Variants in NXPE2 observed in about 807,000 individuals in gnomAD.
The protein encoded by NXPE2 is neurexophilin and PC-esterase domain family member 2.
NXPE2 carries 34 observed loss-of-function variants against 34.4 expected under a neutral mutation model. That is an observed-to-expected ratio of 0.99 (90% CI 0.75 to 1.31). The LOEUF (loss-of-function observed/expected upper bound fraction) is 1.31, where lower values mean the gene tolerates loss of function less well. Among genes scored for constraint, NXPE2 ranks in the 40% most tolerant of loss-of-function variants. The pLI is 0.00. For missense variants in NXPE2, 649 were observed against 672.5 expected, an observed-to-expected ratio of 0.97 and a Z score of 0.39; for synonymous variants, 235 against 231.3, an observed-to-expected ratio of 1.02 and a Z score of -0.15.
chr11:114,529,963 G>T, the NXPE2 span: 14 of 521,474 alleles, frequency 2.7e-5, no homozygotes, highest in African/African-American at 7.6e-5. Context: ...TAGAAGAACG[G>T]TTATAGCAAA....
At chr11:114,674,183 A>G (rs1950832627), upstream of NXPE2, among the ~76,000 whole-genome samples, 1 of 151,862 alleles carries the variant, frequency 6.6e-6, no homozygotes, top group Admixed American at 6.6e-5. Context: ...TATTTAAAAA[A>G]TTCATGCATA....
downstream of NXPE2, among the ~76,000 whole-genome samples, chr11:114,711,064 A>G (rs1025479350): frequency 6.6e-6 from 1 of 152,164 alleles, no homozygotes; most frequent in African/African-American, 2.4e-5. Flanking sequence ...AAAAACAATC[A>G]ATAAACTATG....
the NXPE2 span, among the ~76,000 whole-genome samples, chr11:114,800,876 G>A: frequency 6.6e-6 from 1 of 152,174 alleles, no homozygotes; most frequent in African/African-American, 2.4e-5. Flanking sequence ...CAATAAACAA[G>A]TATCATTGTT....
At chr11:114,613,631 G>A in the NXPE2 span, among the ~76,000 whole-genome samples, 1 of 151,730 alleles carries the variant, frequency 6.6e-6, no homozygotes, top group Non-Finnish European at 1.5e-5. Flanking sequence ...GTTACACACT[G>A]GATAACAAGT....
At chr11:114,743,779 T>C in the NXPE2 span, among the ~76,000 whole-genome samples, 1 of 150,624 alleles carries the variant, frequency 6.6e-6, no homozygotes, top group East Asian at 1.9e-4. Flanking sequence ...TTAGTGAGCA[T>C]ATATATATTA....
At chr11:114,787,385 CG>C in the NXPE2 span, among the ~76,000 whole-genome samples, 3 of 152,046 alleles carry the variant, frequency 2.0e-5, no homozygotes, top group Non-Finnish European at 4.4e-5. Context: ...GGGGTGGGAA[CG>C]GGGGAGCATC....
At chr11:114,496,358 T>C in the NXPE2 span, among the ~76,000 whole-genome samples, 1 of 152,174 alleles carries the variant, frequency 6.6e-6, no homozygotes, top group African/African-American at 2.4e-5. Context: ...AGATTTTCCC[T>C]CTATGCCATG....
the NXPE2 span, among the ~76,000 whole-genome samples, chr11:114,557,083 G>T: frequency 6.6e-6 from 1 of 151,742 alleles, no homozygotes; most frequent in African/African-American, 2.4e-5. Flanking sequence ...TAGTAGAGAC[G>T]GGGTTTCACC....
the NXPE2 span, among the ~76,000 whole-genome samples, chr11:114,662,711 C>T: frequency 6.6e-6 from 1 of 152,122 alleles, no homozygotes; most frequent in Non-Finnish European, 1.5e-5. Flanking sequence ...CCAGCTCAGT[C>T]ACAGCAGGAT....
the NXPE2 span, among the ~76,000 whole-genome samples, chr11:114,772,460 G>A: frequency 1.1e-4 from 16 of 152,202 alleles, no homozygotes; most frequent in Admixed American, 2.6e-4. Flanking sequence ...GATAGGCAAC[G>A]TTTTCAATAA....
At chr11:114,691,048 C>A (rs1951139537) in intron 2 of NXPE2, among the ~76,000 whole-genome samples, 1 of 151,992 alleles carries the variant, frequency 6.6e-6, no homozygotes, top group African/African-American at 2.4e-5. Context: ...CCTTGCCATT[C>A]ACATTCTGAA....
the NXPE2 span, among the ~76,000 whole-genome samples, chr11:114,788,776 T>C: frequency 6.6e-6 from 1 of 152,232 alleles, no homozygotes; most frequent in Admixed American, 6.5e-5. Context: ...TCACCCCTTC[T>C]TGTGTTTCCA....
At chr11:114,781,262 G>GGTAA in the NXPE2 span, among the ~76,000 whole-genome samples, 1 of 152,124 alleles carries the variant, frequency 6.6e-6, no homozygotes, top group African/African-American at 2.4e-5. Flanking sequence ...CTTCCCTGTG[G>GGTAA]GTAAGTTCAG....
At chr11:114,510,965 A>T in the NXPE2 span, among the ~76,000 whole-genome samples, 5 of 152,212 alleles carry the variant, frequency 3.3e-5, no homozygotes, top group Non-Finnish European at 5.9e-5. Context: ...TAAAAACTGT[A>T]CATAATTATA....
chr11:114,514,034 C>A, the NXPE2 span, among the ~76,000 whole-genome samples: 1 of 152,180 alleles, frequency 6.6e-6, no homozygotes, highest in Admixed American at 6.5e-5. Context: ...CTTATAAATA[C>A]CTTTCTAGAG....
chr11:114,647,700 A>AT, the NXPE2 span, among the ~76,000 whole-genome samples: 6 of 144,106 alleles, frequency 4.2e-5, no homozygotes, highest in Non-Finnish European at 6.2e-5. Context: ...GACTTATTTT[A>AT]TTTTATTTTT....
At chr11:114,726,702 C>A in the NXPE2 span, among the ~76,000 whole-genome samples, 1 of 152,026 alleles carries the variant, frequency 6.6e-6, no homozygotes, top group Non-Finnish European at 1.5e-5. Context: ...TCAGGAGGAA[C>A]AAGGCCACTC....
the NXPE2 span, among the ~76,000 whole-genome samples, chr11:114,563,942 C>G: frequency 6.6e-6 from 1 of 152,068 alleles, no homozygotes; most frequent in Non-Finnish European, 1.5e-5. Context: ...AGTAGATATA[C>G]CACTACTGGG....
At chr11:114,561,093 C>G in the NXPE2 span, among the ~76,000 whole-genome samples, 18 of 152,322 alleles carry the variant, frequency 1.2e-4, no homozygotes, top group Non-Finnish European at 2.5e-4. Flanking sequence ...AACTTCATCT[C>G]TCTTTCTAAG....
Sources: gnomAD v4.1 joint callset for allele counts (sites outside exome capture counted in the v4.1 genomes callset) on GRCh38, gnomAD v4.1.1 for gene constraint, MANE v1.5 for transcripts, NCBI Gene and HGNC (gene_info 2026-07-23, HGNC 2026-07-21) for gene names.